The following MAP4K4 variants were observed in gnomAD, a reference collection of about 807,000 sequenced individuals.
MAP4K4 encodes mitogen-activated protein kinase kinase kinase kinase 4.
Under a neutral mutation model 189.6 loss-of-function variants are expected in MAP4K4, and 38 were observed. The observed-to-expected ratio is 0.20, with a 90% CI of 0.15 to 0.26. The LOEUF (loss-of-function observed/expected upper bound fraction) is 0.26, where lower values mean the gene tolerates loss of function less well. Among genes scored for constraint, MAP4K4 ranks in the 10% least tolerant of loss-of-function variants. MAP4K4 has a pLI of 1.00. For synonymous variants in MAP4K4, 610 were observed against 624.3 expected, an observed-to-expected ratio of 0.98 and a Z score of 0.34; for missense variants, 1,054 against 1,726.9, an observed-to-expected ratio of 0.61 and a Z score of 6.91.
At chr2:101,814,337 T>C (rs922241839) in intron 3 of MAP4K4, among the ~76,000 whole-genome samples, 1 of 152,234 alleles carries the variant, frequency 6.6e-6, no homozygotes, top group African/African-American at 2.4e-5. Context: ...ATTCATGGTC[T>C]TTTTGAGTAA....
intron 5 of MAP4K4, among the ~76,000 whole-genome samples, chr2:101,828,864 G>A (rs2096483197): frequency 6.6e-6 from 1 of 152,210 alleles, no homozygotes; most frequent in Non-Finnish European, 1.5e-5. Flanking sequence ...CCTCTCGTAA[G>A]AGACAAGCTT....
chr2:101,729,128 G>GTGTGTC (rs1417241391), intron 2 of MAP4K4, among the ~76,000 whole-genome samples: 1 of 151,940 alleles, frequency 6.6e-6, no homozygotes, highest in African/African-American at 2.4e-5. Context: ...GTGTGTGTGT[G>GTGTGTC]TGTCCTGTTC....
chr2:101,849,051 C>T lies in MAP4K4; in HGVS notation c.1233+4740C>T, dbSNP rs190161749. Among the ~76,000 whole-genome samples, 12 of 152,208 alleles carry T rather than the reference C, an allele frequency of 7.9e-5. No homozygotes were observed. In the East Asian group the frequency reaches 1.9e-3, roughly 25 times the overall value. On this transcript the variant is annotated intron_variant, in intron 12 of 32. Transcript: ENST00000324219. Reference sequence around the variant, plus strand: ...TCCCTGGGTCCTTCTCTTCTGGGTACACTCATATTTTGTCAGTTTACTCTA... The same window carrying T: ...TCCCTGGGTCCTTCTCTTCTGGGTATACTCATATTTTGTCAGTTTACTCTA...
Position 101,710,569 on chromosome 2 carries a change from C to T in MAP4K4, c.123+12031C>T, listed in dbSNP as rs146782869. 3.3e-3 allele frequency among the ~76,000 whole-genome samples: 500 copies of T among 152,326 alleles called. 9 individuals carry two copies. The highest frequency in any genetic ancestry group is 0.026 in the Admixed American group (395 of 15,310). On this transcript the variant is annotated intron_variant, in intron 2 of 32. Coordinates refer to ENST00000324219, the Ensembl canonical transcript of MAP4K4. The stretch of plus-strand genomic sequence containing the variant: ...GACAATGGACAAGAAAGGCAGTCAG[C>T]TTATGCCCTTGTGTAGCGTATAGCC...
intron 2 of MAP4K4, among the ~76,000 whole-genome samples, chr2:101,725,631 C>G (rs189448006): frequency 6.6e-6 from 1 of 152,128 alleles, no homozygotes; most frequent in Non-Finnish European, 1.5e-5. Context: ...AGTGGAATGT[C>G]ATGATGGCCA....
At chr2:101,785,046 G>T (rs1455125728) in intron 2 of MAP4K4, among the ~76,000 whole-genome samples, 2 of 152,192 alleles carry the variant, frequency 1.3e-5, no homozygotes, top group Non-Finnish European at 2.9e-5. Flanking sequence ...CCAACCTCAG[G>T]ACTGTAATGC....
chr2:101,873,610 G>A lies in MAP4K4; in HGVS notation c.2953-37G>A. On this transcript the variant is annotated intron_variant, in intron 24 of 32. Transcript: ENST00000324219. The stretch of plus-strand genomic sequence containing the variant: ...TATTTTTAATGTTCATTTTTAAAAT[G>A]CCAGTTGTATTAATAACATTGAAAT... 3.7e-6 allele frequency: 4 copies of A among 1,068,528 alleles called. No individual in the cohort carries two copies. In the South Asian group the frequency reaches 5.2e-5, roughly 14 times the overall value. 66.2% of individuals were successfully genotyped at this position (1,068,528 alleles called of 1,614,324 possible).
chr2:101,747,613 C>T (rs1382191174), intron 2 of MAP4K4, among the ~76,000 whole-genome samples: 1 of 152,186 alleles, frequency 6.6e-6, no homozygotes, highest in African/African-American at 2.4e-5. Context: ...ATTAAAACAG[C>T]TCAGTGGGGA....
At chr2:101,737,694 G>A (rs2061007148) in intron 2 of MAP4K4, among the ~76,000 whole-genome samples, 1 of 151,316 alleles carries the variant, frequency 6.6e-6, no homozygotes, top group African/African-American at 2.4e-5. Flanking sequence ...GCTCAAGGCT[G>A]GGATTCTATG....
At chr2:101,878,315 A>G (rs1028220361) in intron 27 of MAP4K4, among the ~76,000 whole-genome samples, 2 of 152,206 alleles carry the variant, frequency 1.3e-5, no homozygotes, top group African/African-American at 4.8e-5. Context: ...GCCAGTTTGA[A>G]CAGTTGTTGC....
At chr2:101,718,336 A>G (rs1309867519) in intron 2 of MAP4K4, among the ~76,000 whole-genome samples, 1 of 151,620 alleles carries the variant, frequency 6.6e-6, no homozygotes, top group Non-Finnish European at 1.5e-5. Context: ...CTTAATTTTT[A>G]TTTTGCATGT....
chr2:101,888,698 A>T, intron 31 of MAP4K4, 98 bp from the exon 32 acceptor site: 2 of 902,616 alleles, frequency 2.2e-6, no homozygotes, highest in Non-Finnish European at 3.1e-6. Context: ...TTTTAAAAAG[A>T]TTTAGAAGTA....
intron 3 of MAP4K4, among the ~76,000 whole-genome samples, chr2:101,794,712 C>G (rs2093475510): frequency 6.6e-6 from 1 of 152,156 alleles, no homozygotes; most frequent in Non-Finnish European, 1.5e-5. Context: ...TTTTATAACT[C>G]TTTTTGAATC....
intron 26 of MAP4K4, among the ~76,000 whole-genome samples, 186 bp downstream of exon 26, chr2:101,874,438 C>A (rs957327110): frequency 6.6e-6 from 1 of 152,176 alleles, no homozygotes; most frequent in African/African-American, 2.4e-5. Context: ...TGATTGCACT[C>A]ATTTTAACTG....
intron 27 of MAP4K4, among the ~76,000 whole-genome samples, 197 bp from the exon 28 acceptor site, chr2:101,882,354 T>C (rs1370941971): frequency 6.6e-6 from 1 of 152,238 alleles, no homozygotes; most frequent in East Asian, 1.9e-4. Context: ...ATTTGATTTA[T>C]AGGAGTTTTT....
chr2:101,866,870 G>A (rs1223216672), intron 19 of MAP4K4, among the ~76,000 whole-genome samples: 3 of 149,312 alleles, frequency 2.0e-5, no homozygotes, highest in Admixed American at 6.8e-5. Context: ...CATTTCTTTC[G>A]GTCTGGGCTC....
chr2:101,710,165 A>G (rs896668652), intron 2 of MAP4K4, among the ~76,000 whole-genome samples: 1 of 152,128 alleles, frequency 6.6e-6, no homozygotes, highest in Non-Finnish European at 1.5e-5. Flanking sequence ...TTTGTTGGAG[A>G]TCCCGGTTGA....
intron 16 of MAP4K4, among the ~76,000 whole-genome samples, chr2:101,863,332 T>C (rs1295697356): frequency 6.6e-6 from 1 of 152,222 alleles, no homozygotes; most frequent in Admixed American, 6.5e-5. Context: ...CTTTGCTCGT[T>C]GAACGTGCCA....
intron 16 of MAP4K4, among the ~76,000 whole-genome samples, chr2:101,862,519 C>T (rs1373483759): frequency 6.6e-6 from 1 of 152,184 alleles, no homozygotes; most frequent in Admixed American, 6.5e-5. Flanking sequence ...AAAGTTTTCA[C>T]ACTGCAAGTT....
Sources: allele counts gnomAD v4.1 joint callset (sites outside exome capture counted in the v4.1 genomes callset), GRCh38; gene constraint gnomAD v4.1.1; transcripts MANE v1.5; gene names NCBI Gene and HGNC (gene_info 2026-07-23, HGNC 2026-07-21).